ALDH3B2: variants seen among roughly 807,000 people sequenced by gnomAD.
ALDH3B2 encodes the protein aldehyde dehydrogenase family 3 member B2.
In ALDH3B2, 45 loss-of-function variants were observed where a neutral mutation model predicts 36.7. The observed-to-expected ratio is 1.23, with a 90% CI of 0.97 to 1.57. The LOEUF (loss-of-function observed/expected upper bound fraction) is 1.57. Ranked by LOEUF, ALDH3B2 falls within the 40% of genes most tolerant of loss-of-function variation. The pLI, the probability that ALDH3B2 is intolerant of heterozygous loss-of-function variation, is 0.00. For missense variants in ALDH3B2, 464 were observed against 513.3 expected (o/e 0.90, Z 0.93); for synonymous variants, 217 against 226.5 (o/e 0.96, Z 0.38).
upstream of ALDH3B2, among the ~76,000 whole-genome samples, chr11:67,676,529 A>G (rs985487795): frequency 6.6e-6 from 1 of 151,864 alleles, no homozygotes; most frequent in Non-Finnish European, 1.5e-5. Flanking sequence ...ACAATCTAAG[A>G]TCACACCTCA....
chr11:67,677,980 T>A (rs1156784329), upstream of ALDH3B2, among the ~76,000 whole-genome samples: 2 of 152,078 alleles, frequency 1.3e-5, no homozygotes, highest in Non-Finnish European at 1.5e-5. Context: ...CACAAACAAA[T>A]GGAAACACAT....
exon 10 of ALDH3B2, chr11:67,663,346 G>A (rs763548684): frequency 1.2e-6 from 2 of 1,614,082 alleles, no homozygotes; most frequent in Non-Finnish European, 1.7e-6. Flanking sequence ...GTGCGGTGGT[G>A]GGAGAAGGTG....
At chr11:67,666,748 C>G in intron 3 of ALDH3B2, 54 bp from the exon 4 acceptor site, 1 of 1,610,794 alleles carries the variant, frequency 6.2e-7, no homozygotes, top group Non-Finnish European at 8.5e-7. Flanking sequence ...CAAAGCCCAC[C>G]CACTGCACAC....
intron 7 of ALDH3B2, among the ~76,000 whole-genome samples, chr11:67,664,844 A>T (rs1049459849): frequency 1.3e-5 from 2 of 152,174 alleles, no homozygotes; most frequent in Non-Finnish European, 2.9e-5. Context: ...AGAACCTTGG[A>T]GTTCATGAGG....
upstream of ALDH3B2, among the ~76,000 whole-genome samples, chr11:67,675,159 A>G (rs1385133857): frequency 6.6e-6 from 1 of 152,142 alleles, no homozygotes; most frequent in African/African-American, 2.4e-5. Context: ...GAGACCCTTG[A>G]TGGGCGACGG....
At chr11:67,667,658 C>T in intron 1 of ALDH3B2, 23 bp from the exon 2 acceptor site, 1 of 334,972 alleles carries the variant, frequency 3.0e-6, no homozygotes, top group Non-Finnish European at 4.9e-6. Flanking sequence ...GTGGCTTGAA[C>T]TGGGTGGCCA....
At chr11:67,664,743 G>C (rs1399692055) in intron 7 of ALDH3B2, among the ~76,000 whole-genome samples, 181 bp from the exon 8 acceptor site, 1 of 152,176 alleles carries the variant, frequency 6.6e-6, no homozygotes, top group East Asian at 1.9e-4. Flanking sequence ...CCCCCCAGAA[G>C]GGACCCTAGG....
At chr11:67,670,341 T>C (rs1856073364) in intron 1 of ALDH3B2, among the ~76,000 whole-genome samples, 2 of 151,394 alleles carry the variant, frequency 1.3e-5, no homozygotes, top group Admixed American at 6.6e-5. Context: ...TGTGTGTGTA[T>C]GGGTGTCTGT....
intron 1 of ALDH3B2, among the ~76,000 whole-genome samples, chr11:67,670,348 CTG>C (rs112767553): frequency 0.028 from 4,274 of 151,354 alleles, 201 homozygotes; most frequent in African/African-American, 0.094. Flanking sequence ...GTATGGGTGT[CTG>C]TGTCCATGTG....
intron 1 of ALDH3B2, among the ~76,000 whole-genome samples, chr11:67,680,859 C>G (rs1274527970): frequency 6.6e-6 from 1 of 152,178 alleles, no homozygotes; most frequent in African/African-American, 2.4e-5. Context: ...TGCAAATGCC[C>G]TGCTGTTGAA....
exon 6 of ALDH3B2, chr11:67,666,187 A>G: frequency 6.2e-7 from 1 of 1,614,086 alleles, no homozygotes; most frequent in South Asian, 1.1e-5. Flanking sequence ...TCCGCCCAGC[A>G]CCACGGCAAA....
upstream of ALDH3B2, among the ~76,000 whole-genome samples, chr11:67,677,589 G>A (rs1470799976): frequency 6.6e-6 from 1 of 152,082 alleles, no homozygotes; most frequent in African/African-American, 2.4e-5. Context: ...ACATATTACT[G>A]GCAGTCCTAG....
chr11:67,679,534 G>A (rs1010080261), upstream of ALDH3B2, among the ~76,000 whole-genome samples: 5 of 151,212 alleles, frequency 3.3e-5, no homozygotes, highest in Non-Finnish European at 5.9e-5. Context: ...AATCCCAGCA[G>A]TTTGGGAGGT....
chr11:67,666,693 A>C, exon 4 of ALDH3B2: 1 of 1,614,142 alleles, frequency 6.2e-7, no homozygotes, highest in Non-Finnish European at 8.5e-7. Context: ...CAGCTTCATG[A>C]ACTGAGGCAC....
In ALDH3B2 at chr11:67,663,070, A is replaced by G. The variant is rs1591139837; in HGVS notation, c.*145T>C. ...CAAGACCTTGCTTTGCAGCCCTGGC[A>G]GGCAGGATGCAGTCATGTGACAGCT... On this transcript the variant is annotated 3_prime_UTR_variant, in exon 10 of 10. Coordinates refer to ENST00000349015, the Ensembl canonical transcript of ALDH3B2. 2.9e-6 allele frequency: 3 copies of G among 1,019,954 alleles called. No homozygotes were observed. The African/African-American group carries it at 4.8e-5, about 16-fold the overall frequency. 63.2% of individuals were successfully genotyped at this position (1,019,954 alleles called of 1,614,324 possible).
chr11:67,663,283 G>C lies in ALDH3B2; in HGVS notation c.1090C>G (p.Pro364Ala), dbSNP rs756927970. 31 of 1,614,050 alleles carry C rather than the reference G, an allele frequency of 1.9e-5. No individual in the cohort carries two copies. In the South Asian group the frequency reaches 3.3e-4, roughly 17 times the overall value. The change falls in exon 10 of 10, where the codon CCC becomes GCC. Residue 364 changes from proline to alanine, a missense_variant. Physicochemically the swap from Pro to Ala is conservative, Grantham distance 27 (BLOSUM62 -1). Transcript: ENST00000349015. ...AGCTGCTGGTTCCAGTCGGTATAGGGTGGGTAGTGGATCTCCTTTAATTTC... is the reference window on the plus strand; with the variant it reads ...AGCTGCTGGTTCCAGTCGGTATAGGCTGGGTAGTGGATCTCCTTTAATTTC...
At chr11:67,668,133 A>G (rs2134139862) in intron 1 of ALDH3B2, among the ~76,000 whole-genome samples, 1 of 152,306 alleles carries the variant, frequency 6.6e-6, no homozygotes, top group South Asian at 2.1e-4. Flanking sequence ...CAGAGATCAC[A>G]GAGCTTTGAG....
intron 1 of ALDH3B2, among the ~76,000 whole-genome samples, chr11:67,673,195 G>T (rs1425794423): frequency 1.3e-5 from 2 of 152,114 alleles, no homozygotes; most frequent in East Asian, 3.9e-4. Flanking sequence ...CTCCCAAAGT[G>T]CTGGGATTAC....
intron 1 of ALDH3B2, 46 bp from the exon 2 acceptor site, chr11:67,667,681 C>G: frequency 3.4e-6 from 1 of 294,420 alleles, no homozygotes; most frequent in Non-Finnish European, 5.9e-6. Flanking sequence ...GCTGCCCCTC[C>G]TTCACGGGCA....
Sources: gnomAD v4.1 joint callset for allele counts (sites outside exome capture counted in the v4.1 genomes callset) on GRCh38, gnomAD v4.1.1 for gene constraint, MANE v1.5 for transcripts, NCBI Gene and HGNC (gene_info 2026-07-23, HGNC 2026-07-21) for gene names.